Variants in RPAP3 observed in about 807,000 individuals in gnomAD.
RPAP3 encodes RNA polymerase II associated protein 3.
A neutral mutation model predicts 88.8 loss-of-function variants in RPAP3; 58 were observed. That is an observed-to-expected ratio of 0.65 (90% CI 0.53 to 0.81). The LOEUF is 0.81. RPAP3 is among the 40% of genes least tolerant of loss of function. The probability of loss-of-function intolerance (pLI) is 0.00; values close to 1 mark genes in which losing one functional copy is unlikely to be tolerated. For missense variants in RPAP3, 751 were observed against 764.3 expected (o/e 0.98, Z 0.20); for synonymous variants, 255 against 259.9 (o/e 0.98, Z 0.18).
At position 47,696,509 on chromosome 12, in the gene RPAP3, G is replaced by C. The variant is rs987757023; in HGVS notation, c.418-106C>G. The C allele has an allele frequency of 1.3e-5, 9 of 686,230 alleles. No homozygotes were observed. In the African/African-American group the frequency reaches 1.7e-4, roughly 13 times the overall value. The allele number at this position is 686,230 out of a possible 1,614,324, so 42.5% of individuals were successfully genotyped here. A position where few individuals can be genotyped will look rare whatever the true frequency, so the allele number is the denominator to read the frequency against. On this transcript the variant is annotated intron_variant, in intron 4 of 16. Transcript: ENST00000005386. ...AAGTGCATGGGTCCACTTAAATGTA[G>C]ATTTTTTTCAATAGAAGTCTACACC...
intron 5 of RPAP3, among the ~76,000 whole-genome samples, chr12:47,692,572 C>T (rs1233715484): frequency 6.6e-6 from 1 of 152,206 alleles, no homozygotes; most frequent in Non-Finnish European, 1.5e-5. Context: ...TAGACTTTGG[C>T]TCAGGGGAAT....
In RPAP3 at chr12:47,697,777, A is replaced by G. The variant is rs549087164; in HGVS notation, c.295-58T>C. ...ATTATATGATTAGGAAAAAAAAGAA[A>G]AAAAGACATACTAAAAAAATACACT... On this transcript the variant is annotated intron_variant, in intron 3 of 16. Transcript: ENST00000005386. 85 of 1,460,730 alleles carry G rather than the reference A, an allele frequency of 5.8e-5. No individual in the cohort carries two copies. In the African/African-American group the frequency reaches 9.2e-4, roughly 16 times the overall value. The allele number at this position is 1,460,730 out of a possible 1,614,324, so 90.5% of individuals were successfully genotyped here. A position where few individuals can be genotyped will look rare whatever the true frequency, so the allele number is the denominator to read the frequency against.
chr12:47,673,340 G>C (rs946301984), intron 12 of RPAP3, among the ~76,000 whole-genome samples: 18 of 151,572 alleles, frequency 1.2e-4, no homozygotes, highest in African/African-American at 4.4e-4. Flanking sequence ...CTACCAGGGA[G>C]GCTGAGGCAG....
At position 47,687,917 on chromosome 12, in the gene RPAP3, C is replaced by T; in HGVS notation, c.823G>A (p.Ala275Thr). 1 of 1,613,638 alleles carries T rather than the reference C, an allele frequency of 6.2e-7. No homozygotes were observed. The highest frequency in any genetic ancestry group is 8.5e-7 in the Non-Finnish European group (1 of 1,179,758). ...STEGERKQIE[A>T]QQNKQQAISE... is the part of the protein sequence containing the mutation. ...ATGGCCTGCTGCTTATTCTGTTGTGCTTCAATTTGCTTTCGCTCTCCTTCT... is the reference window on the plus strand; with the variant it reads ...ATGGCCTGCTGCTTATTCTGTTGTGTTTCAATTTGCTTTCGCTCTCCTTCT... The change falls in exon 8 of 17, where the codon GCA becomes ACA. Residue 275 changes from alanine (A) to threonine (T), a missense_variant. Ala to Thr is a moderately conservative substitution (Grantham distance 58). Coordinates refer to ENST00000005386, the MANE Select transcript of RPAP3 (RefSeq NM_024604.3).
intron 3 of RPAP3, 67 bp downstream of exon 3, chr12:47,701,397 T>G: frequency 8.3e-7 from 1 of 1,197,884 alleles, no homozygotes; most frequent in Non-Finnish European, 1.2e-6. Context: ...ACTTAACCCA[T>G]GATTATCAGC....
rs149384891 is a variant in RPAP3, at chr12:47,689,523, G to C, written c.668-328C>G. 1.9e-3 allele frequency among the ~76,000 whole-genome samples: 284 copies of C among 152,202 alleles called. 1 individual carries two copies. Among genetic ancestry groups the C allele is most frequent in the African/African-American group, 6.2e-3 (258 of 41,528 alleles). On this transcript the variant is annotated intron_variant, in intron 6 of 16. Transcript: ENST00000005386. ...TCAGCTAATTTTTGTATTTTTAGTAGAGACAGGTTTTCTCCTCATTGGGCA... is the reference window on the plus strand; with the variant it reads ...TCAGCTAATTTTTGTATTTTTAGTACAGACAGGTTTTCTCCTCATTGGGCA...
At chr12:47,664,829 C>G (rs1041609412) in intron 16 of RPAP3, 4 of 152,226 alleles carry the variant, frequency 2.6e-5, no homozygotes, top group Admixed American at 2.0e-4. Context: ...TTCCTGCTGT[C>G]ATGGAGCTTT....
intron 16 of RPAP3, among the ~76,000 whole-genome samples, chr12:47,666,611 G>A (rs1038697398): frequency 2.6e-5 from 4 of 152,214 alleles, no homozygotes; most frequent in South Asian, 2.1e-4. Context: ...CATTTACTGC[G>A]TTTTCAAGTA....
In RPAP3 at chr12:47,687,969, C is replaced by T. The variant is rs1474527502; in HGVS notation, c.771G>A (p.Lys257=). Reference sequence around the variant, plus strand: ...TTGACTTAATCACTATGTCAGCTTCCTTTGGATATGAGTTTTCTTTGGATG... The same window carrying T: ...TTGACTTAATCACTATGTCAGCTTCTTTTGGATATGAGTTTTCTTTGGATG... ...ALASKENSYP[K]EADIVIKSTE... Residue 257 remains lysine, a synonymous_variant, in exon 8 of 17, where the codon AAG becomes AAA. Transcript: ENST00000005386. 2 of 1,613,104 alleles carry T rather than the reference C, an allele frequency of 1.2e-6. No individual in the cohort carries two copies. The highest frequency in any genetic ancestry group is 1.7e-6 in the Non-Finnish European group (2 of 1,179,556).
chr12:47,667,447 T>C (rs1938900549), intron 15 of RPAP3, among the ~76,000 whole-genome samples: 1 of 152,162 alleles, frequency 6.6e-6, no homozygotes, highest in South Asian at 2.1e-4. Context: ...GAAAGCTAAC[T>C]TTGCTATATG....
intron 12 of RPAP3, among the ~76,000 whole-genome samples, chr12:47,672,418 T>C (rs1306742205): frequency 6.6e-6 from 1 of 152,236 alleles, no homozygotes; most frequent in Non-Finnish European, 1.5e-5. Flanking sequence ...AAAATTTGTT[T>C]CACCTGAAAT....
intron 10 of RPAP3, among the ~76,000 whole-genome samples, chr12:47,681,130 T>C (rs199708865): frequency 1.3e-5 from 2 of 152,082 alleles, no homozygotes; most frequent in Admixed American, 1.3e-4. Context: ...CAAGAAGAGA[T>C]AGCTACATAT....
rs143586097 is a variant in RPAP3 at position 47,685,255 on chromosome 12, T to C, written c.992+1525A>G. 4.3e-3 allele frequency among the ~76,000 whole-genome samples: 652 copies of C among 152,122 alleles called. 2 individuals are homozygous for C. Among genetic ancestry groups the C allele is most frequent in the Non-Finnish European group, 5.5e-3 (371 of 67,998 alleles). The stretch of plus-strand genomic sequence containing the variant: ...TTAGCTAGGTGTCATGGCGCATGCC[T>C]GTAGACCCAGCAACTTGGGAGGTTG... On this transcript the variant is annotated intron_variant, in intron 9 of 16. Transcript: ENST00000005386.
chr12:47,679,395 A>AT, intron 12 of RPAP3, 98 bp downstream of exon 12: 2 of 714,482 alleles, frequency 2.8e-6, no homozygotes, highest in South Asian at 4.1e-5. Flanking sequence ...TTAAAGTATA[A>AT]TTAAAAAAAA....
In RPAP3 at chr12:47,685,090, A is replaced by T. The variant is rs79588726; in HGVS notation, c.992+1690T>A. On this transcript the variant is annotated intron_variant, in intron 9 of 16. Coordinates refer to ENST00000005386, the MANE Select transcript of RPAP3 (RefSeq NM_024604.3). ...TCACTTTGTCACCAATAAAAATCAG[A>T]TATTTTGGCCGGGCGCGGTGGCTCC... Among the ~76,000 whole-genome samples the T allele has an allele frequency of 8.8e-3, 1,341 of 152,300 alleles. 21 individuals carry two copies. Among genetic ancestry groups the T allele is most frequent in the African/African-American group, 0.03 (1,233 of 41,570 alleles).
intron 3 of RPAP3, among the ~76,000 whole-genome samples, chr12:47,701,031 C>A: frequency 6.6e-6 from 1 of 151,986 alleles, no homozygotes; most frequent in East Asian, 1.9e-4. Context: ...ATCTTAATTG[C>A]GGCTGGGTTA....
chr12:47,701,726 TA>T, intron 2 of RPAP3, 122 bp from the exon 3 acceptor site: 2 of 713,202 alleles, frequency 2.8e-6, no homozygotes, highest in Admixed American at 4.2e-5. Flanking sequence ...TTAAAGTGTT[TA>T]AAAAGACCAA....
chr12:47,680,434 G>C (rs978810419), intron 10 of RPAP3, among the ~76,000 whole-genome samples: 10 of 151,868 alleles, frequency 6.6e-5, no homozygotes, highest in Admixed American at 1.3e-4. Context: ...ATTGAAAAAT[G>C]GTTAAAATAA....
chr12:47,694,463 C>A (rs1012792156), intron 5 of RPAP3, among the ~76,000 whole-genome samples: 6 of 151,960 alleles, frequency 3.9e-5, no homozygotes, highest in African/African-American at 1.2e-4. Context: ...TTTTTTTGAA[C>A]AAATCATTTT....
Sources: gnomAD v4.1 joint callset for allele counts (sites outside exome capture counted in the v4.1 genomes callset) on GRCh38, gnomAD v4.1.1 for gene constraint, MANE v1.5 for transcripts, NCBI Gene and HGNC (gene_info 2026-07-23, HGNC 2026-07-21) for gene names.